Variants in TMEM74 observed in about 807,000 individuals in gnomAD.
The protein encoded by TMEM74 is transmembrane protein 74.
A neutral mutation model predicts 18.1 loss-of-function variants in TMEM74; 13 were observed. The observed-to-expected ratio is 0.72, with a 90% CI of 0.47 to 1.14. TMEM74 has a LOEUF of 1.14. Ranked by LOEUF, TMEM74 falls within the 50% of genes most tolerant of loss-of-function variation. TMEM74 has a pLI of 0.00. For synonymous variants in TMEM74, 159 were observed against 146.6 expected (o/e 1.08, Z -0.61); for missense variants, 372 against 375.9 (o/e 0.99, Z 0.09).
At chr8:108,760,124 G>A (rs374679527) in intron 1 of TMEM74, among the ~76,000 whole-genome samples, 325 of 151,586 alleles carry the variant, frequency 2.1e-3, no homozygotes, top group African/African-American at 7.5e-3. Flanking sequence ...TGTGAGGCAG[G>A]ATTGCGCCAC....
intron 1 of TMEM74, among the ~76,000 whole-genome samples, chr8:108,720,364 A>T (rs988051724): frequency 6.6e-6 from 1 of 152,230 alleles, no homozygotes; most frequent in Non-Finnish European, 1.5e-5. Context: ...AGTGGACAGT[A>T]TTGTGGGAAA....
At chr8:108,614,481 AG>A (rs1812364578) in intron 2 of TMEM74, among the ~76,000 whole-genome samples, 1 of 152,232 alleles carries the variant, frequency 6.6e-6, no homozygotes, top group Non-Finnish European at 1.5e-5. Context: ...GCAAGATGAA[AG>A]GAGGAATAGG....
chr8:108,610,127 G>A (rs1245948064), intron 2 of TMEM74, among the ~76,000 whole-genome samples: 2 of 152,190 alleles, frequency 1.3e-5, no homozygotes, highest in Non-Finnish European at 2.9e-5. Flanking sequence ...CTAGGAACCT[G>A]CATTTTCAAC....
rs1814351175 is a variant in TMEM74, at chr8:108,784,481, G to A, written c.618C>T (p.Pro206=). 3.1e-6 allele frequency: 5 copies of A among 1,614,142 alleles called. No homozygotes were observed. The highest frequency in any genetic ancestry group is 4.2e-6 in the Non-Finnish European group (5 of 1,180,036). Residue 206 remains proline (P), a synonymous_variant, in exon 2 of 2, where the codon CCC becomes CCT. Coordinates refer to ENST00000297459, the MANE Select transcript of TMEM74 (RefSeq NM_153015.3). ...CCATCTCCCGGGCTGCCACAGTGTT[G>A]GGGTCCACAGTCACTTCCCGTGGGA... ...YIVPREVTVD[P]NTVAAREMER...
intron 2 of TMEM74, among the ~76,000 whole-genome samples, chr8:108,628,958 CT>C (rs1812523265): frequency 6.6e-6 from 1 of 151,946 alleles, no homozygotes. Flanking sequence ...TGTTAATATC[CT>C]TTGCCCACTT....
At chr8:108,635,027 C>T (rs915508639) in intron 2 of TMEM74, among the ~76,000 whole-genome samples, 3 of 151,910 alleles carry the variant, frequency 2.0e-5, no homozygotes, top group Non-Finnish European at 4.4e-5. Context: ...CCTCCAGTCC[C>T]GATTCTATAG....
At chr8:108,639,704 C>T (rs752036377) in intron 2 of TMEM74, among the ~76,000 whole-genome samples, 8 of 151,960 alleles carry the variant, frequency 5.3e-5, no homozygotes, top group African/African-American at 9.7e-5. Flanking sequence ...TACTAATGCC[C>T]CTCCAGTCAT....
rs375118485 is a variant in TMEM74, at chr8:108,702,411, T to A, written n.120-46974A>T. On this transcript the variant is annotated intron_variant and non_coding_transcript_variant, in intron 1 of 3. Coordinates refer to the TMEM74 transcript ENST00000518838. The stretch of plus-strand genomic sequence containing the variant: ...CAACACAAATTTGGTGAGCTGATCT[T>A]GACAAAGGAGGAAAGGAAAAAAAAA... 4.6e-4 allele frequency among the ~76,000 whole-genome samples: 68 copies of A among 149,198 alleles called. 2 individuals carry two copies. In the South Asian group the frequency reaches 0.014, roughly 30 times the overall value.
chr8:108,638,142 C>G (rs1160846405), intron 2 of TMEM74, among the ~76,000 whole-genome samples: 4 of 152,114 alleles, frequency 2.6e-5, no homozygotes, highest in Non-Finnish European at 4.4e-5. Context: ...TCTGAAGGGT[C>G]AGTGAAAATG....
chr8:108,756,041 G>A (rs1813956298), intron 1 of TMEM74, among the ~76,000 whole-genome samples: 2 of 151,762 alleles, frequency 1.3e-5, no homozygotes, highest in African/African-American at 4.8e-5. Context: ...CAAAATACTG[G>A]GTAATAAGAA....
intron 1 of TMEM74, among the ~76,000 whole-genome samples, chr8:108,664,805 T>C (rs1371726994): frequency 2.6e-5 from 4 of 152,016 alleles, no homozygotes; most frequent in Non-Finnish European, 2.9e-5. Flanking sequence ...GTGAGGGTAA[T>C]AGTAAGTGGC....
At chr8:108,657,904 T>TATATATA (rs1563742387) in intron 1 of TMEM74, among the ~76,000 whole-genome samples, 11 of 109,830 alleles carry the variant, frequency 1.0e-4, no homozygotes, top group South Asian at 2.8e-4. Flanking sequence ...ATATATATAT[T>TATATATA]AATTACATAT....
chr8:108,684,138 C>G (rs1813144549), intron 1 of TMEM74, among the ~76,000 whole-genome samples: 1 of 152,096 alleles, frequency 6.6e-6, no homozygotes, highest in Non-Finnish European at 1.5e-5. Context: ...GTTGCTGGAT[C>G]ATATGGTAGT....
intron 1 of TMEM74, among the ~76,000 whole-genome samples, chr8:108,744,746 T>A (rs374657139): frequency 1.2e-4 from 18 of 152,152 alleles, no homozygotes; most frequent in African/African-American, 4.1e-4. Context: ...GGAGCTAGAC[T>A]TAGATTGTAG....
At chr8:108,786,239 A>G (rs1205410292) in intron 1 of TMEM74, among the ~76,000 whole-genome samples, 1 of 152,182 alleles carries the variant, frequency 6.6e-6, no homozygotes, top group African/African-American at 2.4e-5. Context: ...AGCAAGGGGC[A>G]TTTCTGGGAG....
intron 1 of TMEM74, among the ~76,000 whole-genome samples, chr8:108,701,109 T>C (rs769560780): frequency 4.6e-5 from 7 of 151,130 alleles, no homozygotes; most frequent in Non-Finnish European, 1.0e-4. Flanking sequence ...TAATGTAATC[T>C]ATGGCATCAA....
rs550010393 is a variant in TMEM74 at position 108,783,864 on chromosome 8, T to C, written c.*317A>G. On this transcript the variant is annotated 3_prime_UTR_variant, in exon 2 of 2. Coordinates refer to ENST00000297459, the MANE Select transcript of TMEM74 (RefSeq NM_153015.3). The stretch of plus-strand genomic sequence containing the variant: ...GTGTCCAAAGAATAACATCATATAT[T>C]TGTGTAAAAGAAATAATTTGTAGAC... The C allele has an allele frequency of 5.0e-6, 1 of 198,262 alleles. No homozygotes were observed. The highest frequency in any genetic ancestry group is 5.5e-5 in the Admixed American group (1 of 18,130). The allele number at this position is 198,262 out of a possible 1,614,324, so 12.3% of individuals were successfully genotyped here.
intron 1 of TMEM74, among the ~76,000 whole-genome samples, chr8:108,669,901 G>T (rs1395791292): frequency 6.6e-6 from 1 of 152,076 alleles, no homozygotes; most frequent in East Asian, 1.9e-4. Context: ...AGCCAGGCAT[G>T]GTGATGCATG....
At chr8:108,715,015 C>T (rs1483280171) in intron 1 of TMEM74, among the ~76,000 whole-genome samples, 6 of 152,010 alleles carry the variant, frequency 3.9e-5, no homozygotes, top group South Asian at 2.1e-4. Context: ...AACACAACTC[C>T]GATATTTAAG....
Sources: allele counts gnomAD v4.1 joint callset (sites outside exome capture counted in the v4.1 genomes callset), GRCh38; gene constraint gnomAD v4.1.1; transcripts MANE v1.5; gene names NCBI Gene and HGNC (gene_info 2026-07-23, HGNC 2026-07-21).